Variants in TRPM1 observed in about 807,000 individuals in gnomAD.
TRPM1 encodes transient receptor potential cation channel subfamily M member 1.
TRPM1 carries 113 observed loss-of-function variants against 149.4 expected under a neutral mutation model. The ratio of observed to expected loss-of-function variants is 0.76; its 90% CI spans 0.65 to 0.88. The LOEUF (loss-of-function observed/expected upper bound fraction) is 0.88. Among genes scored for constraint, TRPM1 ranks in the 40% least tolerant of loss-of-function variants. TRPM1 has a pLI of 0.00. For synonymous variants in TRPM1, 741 were observed against 759.5 expected (o/e 0.98, Z 0.40); for missense variants, 1,976 against 2,038.7 (o/e 0.97, Z 0.59).
At chr15:31,072,629 A>G (rs551351074) in intron 3 of TRPM1, among the ~76,000 whole-genome samples, 1 of 152,252 alleles carries the variant, frequency 6.6e-6, no homozygotes, top group South Asian at 2.1e-4. Context: ...GTATCATGGT[A>G]CATTTCCACC....
chr15:31,073,689 T>C (rs574031065), intron 3 of TRPM1, among the ~76,000 whole-genome samples: 1 of 152,230 alleles, frequency 6.6e-6, no homozygotes, highest in East Asian at 1.9e-4. Context: ...TCAATATTTT[T>C]TCTTTCTTTA....
chr15:31,041,782 C>T (rs1469923728), intron 17 of TRPM1, among the ~76,000 whole-genome samples, 169 bp downstream of exon 17: 2 of 152,182 alleles, frequency 1.3e-5, no homozygotes, highest in East Asian at 1.9e-4. Context: ...CCAAAAACAC[C>T]TCTGAGAGAC....
At chr15:31,034,568 G>T (rs2033256968) in intron 21 of TRPM1, among the ~76,000 whole-genome samples, 1 of 152,222 alleles carries the variant, frequency 6.6e-6, no homozygotes, top group African/African-American at 2.4e-5. Context: ...CCCCCTACAG[G>T]ATTAGGCCAA....
chr15:31,145,207 CCA>C (rs1173336191), intron 1 of TRPM1, among the ~76,000 whole-genome samples: 1 of 152,140 alleles, frequency 6.6e-6, no homozygotes, highest in Non-Finnish European at 1.5e-5. Flanking sequence ...GATGTGTGAG[CCA>C]CACAGAGTTC....
intron 1 of TRPM1, among the ~76,000 whole-genome samples, chr15:31,092,123 G>A (rs1430223790): frequency 6.6e-6 from 1 of 150,902 alleles, no homozygotes; most frequent in Non-Finnish European, 1.5e-5. Flanking sequence ...GGGGTGGGGT[G>A]GGGTGGGACA....
Position 31,060,664 on chromosome 15 carries a change from G to T in TRPM1, c.1163-20C>A. The T allele has an allele frequency of 6.2e-7, 1 of 1,609,434 alleles. No homozygotes were observed. Among genetic ancestry groups the T allele is most frequent in the Non-Finnish European group, 8.5e-7 (1 of 1,176,212 alleles). Reference sequence around the variant, plus strand: ...TTGTTCCTGGAAAGGCAAGAAACCGGAATGATTTTTCACTCCACGCCTGGA... The same window carrying T: ...TTGTTCCTGGAAAGGCAAGAAACCGTAATGATTTTTCACTCCACGCCTGGA... On this transcript the variant is annotated intron_variant, in intron 10 of 27. Transcript: ENST00000256552.
At chr15:31,139,640 G>A (rs1567076164) in intron 1 of TRPM1, among the ~76,000 whole-genome samples, 2 of 152,218 alleles carry the variant, frequency 1.3e-5, no homozygotes, top group Non-Finnish European at 2.9e-5. Flanking sequence ...TCTTTGGTAA[G>A]TAAGACTAGT....
intron 4 of TRPM1, chr15:31,069,403 T>C: frequency 1.0e-6 from 1 of 995,292 alleles, no homozygotes; most frequent in African/African-American, 1.7e-5. Context: ...GGAACACAGC[T>C]AAATTTTATT....
chr15:31,042,404 T>C (rs1191399547), intron 16 of TRPM1, 161 bp from the exon 17 acceptor site: 13 of 740,344 alleles, frequency 1.8e-5, no homozygotes, highest in Non-Finnish European at 2.6e-5. Flanking sequence ...TTTGAAAAGA[T>C]GCACACGTTT....
At chr15:31,069,997 T>C in intron 4 of TRPM1, 34 bp downstream of exon 4, 1 of 1,614,178 alleles carries the variant, frequency 6.2e-7, no homozygotes, top group Non-Finnish European at 8.5e-7. Context: ...AAAGCTGTGA[T>C]CCTAGTGGCA....
rs753135751 is a variant in TRPM1 at position 31,002,924 on chromosome 15, A to T, written c.3776T>A (p.Ile1259Asn). The change falls in exon 28 of 28, where the codon ATC becomes AAC. Residue 1259 changes from isoleucine (I) to asparagine (N), a missense_variant. Ile to Asn is a moderately radical substitution (Grantham distance 149). Around this residue, in one of 3 missense-constraint regions of TRPM1, gnomAD observed 572 missense variants for 578.9 expected, o/e 0.99. Transcript: ENST00000256552. The stretch of plus-strand genomic sequence containing the variant: ...TGCCTGGATCAGGTCAGACCTGTCG[A>T]TTCCCGCAAGATTTTCAAGAGCATT... ...MVNALENLAG[I>N]DRSDLIQARS... 6.2e-7 allele frequency: 1 copy of T among 1,604,680 alleles called. No homozygotes were observed. The highest frequency in any genetic ancestry group is 1.1e-5 in the South Asian group (1 of 90,168).
intron 1 of TRPM1, among the ~76,000 whole-genome samples, chr15:31,125,132 C>T (rs1008380265): frequency 3.3e-5 from 5 of 152,032 alleles, no homozygotes; most frequent in Non-Finnish European, 5.9e-5. Context: ...GAACCAAGAA[C>T]GTGTCACTGT....
chr15:31,132,472 G>C (rs985247808), intron 1 of TRPM1, among the ~76,000 whole-genome samples: 1 of 152,192 alleles, frequency 6.6e-6, no homozygotes, highest in East Asian at 1.9e-4. Flanking sequence ...TCAGGGCTCC[G>C]ATTACCACTG....
intron 27 of TRPM1, among the ~76,000 whole-genome samples, chr15:31,023,970 C>T (rs1359355907): frequency 6.6e-6 from 1 of 152,138 alleles, no homozygotes; most frequent in Non-Finnish European, 1.5e-5. Flanking sequence ...GGTTTCTGCA[C>T]AGAAGCACTA....
At chr15:31,135,220 A>G (rs532566592) in intron 1 of TRPM1, among the ~76,000 whole-genome samples, 1 of 152,282 alleles carries the variant, frequency 6.6e-6, no homozygotes, top group East Asian at 1.9e-4. Context: ...ATATGTGCAC[A>G]CATTCTGTAT....
chr15:31,153,614 G>A (rs999803940), intron 1 of TRPM1, among the ~76,000 whole-genome samples: 2 of 152,144 alleles, frequency 1.3e-5, no homozygotes, highest in South Asian at 4.1e-4. Flanking sequence ...GTGAGCCACC[G>A]TGTCTGGCCA....
Position 31,026,123 on chromosome 15 carries a change from G to C in TRPM1, c.3629+16C>G. 1 of 1,609,740 alleles carries C rather than the reference G, an allele frequency of 6.2e-7. No homozygotes were observed. The highest frequency in any genetic ancestry group is 8.5e-7 in the Non-Finnish European group (1 of 1,179,968). On this transcript the variant is annotated intron_variant, in intron 27 of 27. Transcript: ENST00000256552. ...ACCCTTGGCTCACGGGCCCGCGGTG[G>C]GGACGCTACACGTACCTTTCAGAAG... is the stretch of plus-strand genomic sequence containing the variant.
chr15:31,055,111 A>G (rs1482717675), intron 11 of TRPM1, among the ~76,000 whole-genome samples: 1 of 152,208 alleles, frequency 6.6e-6, no homozygotes, highest in East Asian at 1.9e-4. Flanking sequence ...GTTTTCTACT[A>G]TATGAAGAAT....
chr15:31,080,015 A>G (rs1398922174), intron 2 of TRPM1, among the ~76,000 whole-genome samples: 1 of 152,192 alleles, frequency 6.6e-6, no homozygotes, highest in African/African-American at 2.4e-5. Flanking sequence ...CATGAAAATA[A>G]ATGACTACAA....
Sources: gnomAD v4.1 joint callset for allele counts (sites outside exome capture counted in the v4.1 genomes callset) on GRCh38, gnomAD v4.1.1 for gene constraint, gnomAD v4.1.1 regional missense constraint, MANE v1.5 for transcripts, NCBI Gene and HGNC (gene_info 2026-07-23, HGNC 2026-07-21) for gene names.